Variants in STK26 observed in about 807,000 individuals in gnomAD.
STK26 encodes the protein serine/threonine kinase 26, also known as serine/threonine-protein kinase 26.
STK26 carries 14 observed loss-of-function variants against 34.7 expected under a neutral mutation model. That is an observed-to-expected ratio of 0.40 (90% confidence interval 0.27 to 0.63). STK26 has a LOEUF of 0.63. Among genes scored for constraint, STK26 ranks in the 30% least tolerant of loss-of-function variants. STK26 has a pLI of 0.38. For missense variants in STK26, 226 were observed against 309.1 expected (o/e 0.73, Z 2.02); for synonymous variants, 100 against 109.8 (o/e 0.91, Z 0.56).
chrX:132,051,312 C>A (rs1263397334), intron 2 of STK26, among the ~76,000 whole-genome samples: 2 of 111,570 alleles, frequency 1.8e-5, no homozygotes, highest in Non-Finnish European at 3.8e-5. Flanking sequence ...TTGAAGAGTG[C>A]AAATTCAAGT....
In STK26 at chrX:132,075,037, T is replaced by G. The variant is rs2124200748; in HGVS notation, c.*878T>G. ...AATATCTGATCAACAGGTATGAATA[T>G]AACTTAAATCAGCATATTTTTGCCA... On this transcript the variant is annotated 3_prime_UTR_variant, in exon 12 of 12. Coordinates refer to ENST00000394334, the MANE Select transcript of STK26 (RefSeq NM_016542.4). The G allele has an allele frequency of 8.9e-6, 1 of 111,919 alleles. No homozygotes were observed. The highest frequency in any genetic ancestry group is 3.7e-4 in the South Asian group (1 of 2,714). The allele number at this position is 111,919 out of a possible 1,213,427, so 9.2% of individuals were successfully genotyped here. A position where few individuals can be genotyped will look rare whatever the true frequency, so the allele number is the denominator to read the frequency against.
At chrX:132,056,780 C>T (rs932957821) in intron 3 of STK26, among the ~76,000 whole-genome samples, 8 of 112,506 alleles carry the variant, frequency 7.1e-5, no homozygotes, top group East Asian at 2.8e-4. Flanking sequence ...CTGAGGGTGG[C>T]GTAGGGCCTA....
rs561602079 is a variant in STK26 at position 132,034,292 on chromosome X, C to CTTTTTTTTTTTTT, written c.42+10653_42+10665dup. On this transcript the variant is annotated intron_variant, in intron 2 of 11. Coordinates refer to ENST00000394334, the MANE Select transcript of STK26 (RefSeq NM_016542.4). ...TGAATGCCAGAATGAGACATTTATT[C>CTTTTTTTTTTTTT]TTTTTTTTTTTTTTTTTTTTTTTTT... 1.7e-4 allele frequency among the ~76,000 whole-genome samples: 7 copies of CTTTTTTTTTTTTT among 41,375 alleles called. 1 individual carries two copies. The highest frequency in any genetic ancestry group is 1.1e-3 in the East Asian group (1 of 885). 35.9% of individuals were successfully genotyped at this position (41,375 alleles called of 115,157 possible).
intron 7 of STK26, among the ~76,000 whole-genome samples, 179 bp from the exon 8 acceptor site, chrX:132,070,890 C>T (rs1245082955): frequency 1.8e-5 from 2 of 112,728 alleles, no homozygotes; most frequent in African/African-American, 6.4e-5. Context: ...AATGTGGTTG[C>T]CTTGAGCCAC....
chrX:132,041,609 A>G (rs1926267511), intron 2 of STK26, among the ~76,000 whole-genome samples: 1 of 109,868 alleles, frequency 9.1e-6, no homozygotes, highest in South Asian at 3.9e-4. Flanking sequence ...ATTTGTGATT[A>G]CTCTCCCCAC....
chrX:132,066,474 TAC>T (rs890209310), intron 4 of STK26, among the ~76,000 whole-genome samples: 4 of 111,691 alleles, frequency 3.6e-5, no homozygotes, highest in African/African-American at 1.3e-4. Context: ...AGAGGCAAAT[TAC>T]ACAAGGCAAG....
chrX:132,055,245 G>C (rs752269397), intron 3 of STK26, among the ~76,000 whole-genome samples: 2 of 112,217 alleles, frequency 1.8e-5, no homozygotes, highest in East Asian at 5.6e-4. Context: ...ATTTCATTGA[G>C]TTATGGTAGT....
At chrX:132,061,076 G>C in intron 3 of STK26, among the ~76,000 whole-genome samples, 1 of 112,043 alleles carries the variant, frequency 8.9e-6, no homozygotes. Flanking sequence ...TTTCTGTTTT[G>C]AATTAGTACA....
chrX:132,044,671 C>CTA (rs1247702257), intron 2 of STK26, among the ~76,000 whole-genome samples: 852 of 38,413 alleles, frequency 0.022, 98 homozygotes, highest in Middle Eastern at 0.039. Context: ...CTCTCGAGAT[C>CTA]TATATATATA....
chrX:132,074,573 A>C lies in STK26; in HGVS notation c.*414A>C, dbSNP rs1927537677. ...CTTCAAAAAGCTTTTTTTTTTAAAA[A>C]AAAACATGCATATTCTAAAAATGAC... On this transcript the variant is annotated 3_prime_UTR_variant, in exon 12 of 12. Transcript: ENST00000394334. 1 of 115,206 alleles carries C rather than the reference A, an allele frequency of 8.7e-6. No homozygotes were observed. The highest frequency in any genetic ancestry group is 1.8e-5 in the Non-Finnish European group (1 of 56,009). The allele number at this position is 115,206 out of a possible 1,213,427, so 9.5% of individuals were successfully genotyped here.
Position 132,023,709 on chromosome X carries a change from C to T in STK26, c.42+50C>T, listed in dbSNP as rs757384644. On this transcript the variant is annotated intron_variant, in intron 2 of 11. Coordinates refer to ENST00000394334, the MANE Select transcript of STK26 (RefSeq NM_016542.4). Reference sequence around the variant, plus strand: ...CCGCCCACGTGACTGCTTGGGAGCCCGGTGCGCCCTCGGTGCTGGGCACCG... The same window carrying T: ...CCGCCCACGTGACTGCTTGGGAGCCTGGTGCGCCCTCGGTGCTGGGCACCG... The T allele has an allele frequency of 1.4e-5, 16 of 1,153,334 alleles. No homozygotes were observed. In the African/African-American group the frequency reaches 1.8e-4, roughly 13 times the overall value.
chrX:132,053,824 A>G (rs1484261209), intron 2 of STK26, among the ~76,000 whole-genome samples: 1 of 112,165 alleles, frequency 8.9e-6, no homozygotes, highest in Non-Finnish European at 1.9e-5. Flanking sequence ...TTTAATTCAA[A>G]ATTGTATATT....
Position 132,072,284 on chromosome X carries a change from G to A in STK26, c.949G>A (p.Glu317Lys). ...TCTCTTTAGGGAATCTACCAGCAGG[G>A]AAAACAATACTCATCCTGAATGGAG... ...EGSDSESTSR[E>K]NNTHPEWSFT... Residue 317 changes from glutamate (E) to lysine (K), a missense_variant, in exon 9 of 12, where the codon GAA becomes AAA. Glu to Lys is a moderately conservative substitution (Grantham distance 56). This residue lies in a region of STK26 where 126 missense variants were observed against 132.4 expected (regional missense o/e 0.95). Transcript: ENST00000394334. 1 of 1,207,975 alleles carries A rather than the reference G, an allele frequency of 8.3e-7. No individual in the cohort carries two copies. Among genetic ancestry groups the A allele is most frequent in the South Asian group, 1.8e-5 (1 of 56,834 alleles).
chrX:132,035,370 C>T (rs1418933684), intron 2 of STK26, among the ~76,000 whole-genome samples: 1 of 110,552 alleles, frequency 9.0e-6, no homozygotes. Context: ...TATCATTGGC[C>T]CATGTGTGCT....
At chrX:132,041,645 G>T (rs1926269130) in intron 2 of STK26, among the ~76,000 whole-genome samples, 1 of 110,207 alleles carries the variant, frequency 9.1e-6, no homozygotes, top group African/African-American at 3.3e-5. Context: ...AAATCACTCA[G>T]TATAAAATTT....
chrX:132,039,123 G>C (rs1926169043), intron 2 of STK26, among the ~76,000 whole-genome samples: 1 of 111,018 alleles, frequency 9.0e-6, no homozygotes, highest in African/African-American at 3.3e-5. Flanking sequence ...CCTGGGTTCT[G>C]GGTCAATCTG....
intron 2 of STK26, among the ~76,000 whole-genome samples, chrX:132,052,468 C>T (rs1926723646): frequency 1.8e-5 from 2 of 112,041 alleles, no homozygotes; most frequent in South Asian, 7.3e-4. Flanking sequence ...ATGGATCTTT[C>T]TCTTTTTCTG....
chrX:132,067,113 T>C (rs951483552), intron 4 of STK26, among the ~76,000 whole-genome samples: 3 of 111,887 alleles, frequency 2.7e-5, no homozygotes, highest in Non-Finnish European at 5.6e-5. Flanking sequence ...ATTACAGATA[T>C]CCCTGGAGTA....
intron 6 of STK26, among the ~76,000 whole-genome samples, chrX:132,069,131 A>G (rs1927314432): frequency 9.2e-6 from 1 of 109,030 alleles, no homozygotes; most frequent in Admixed American, 9.9e-5. Context: ...GTCTGGCACC[A>G]TATTATTTAT....
Sources: gnomAD v4.1 joint callset for allele counts (sites outside exome capture counted in the v4.1 genomes callset) on GRCh38, gnomAD v4.1.1 for gene constraint, gnomAD v4.1.1 regional missense constraint, MANE v1.5 for transcripts, NCBI Gene and HGNC (gene_info 2026-07-23, HGNC 2026-07-21) for gene names.